The following DOK6 variants were observed in gnomAD, a reference collection of about 807,000 sequenced individuals.
DOK6 encodes docking protein 6.
In DOK6, 22 loss-of-function variants were observed where a neutral mutation model predicts 44.0. The observed-to-expected ratio is 0.50, with a 90% CI of 0.36 to 0.71. The LOEUF (loss-of-function observed/expected upper bound fraction) is 0.71. DOK6 is among the 30% of genes least tolerant of loss of function. The probability of loss-of-function intolerance (pLI) is 0.00; values close to 1 mark genes in which losing one functional copy is unlikely to be tolerated. For missense variants in DOK6, 340 were observed against 416.4 expected, an observed-to-expected ratio of 0.82 and a Z score of 1.60; for synonymous variants, 166 against 145.5, an observed-to-expected ratio of 1.14 and a Z score of -1.01.
chr18:69,522,119 C>A (rs947020915), intron 1 of DOK6, among the ~76,000 whole-genome samples: 1 of 151,810 alleles, frequency 6.6e-6, no homozygotes, highest in African/African-American at 2.4e-5. Flanking sequence ...TCAACTGAAT[C>A]CCTTCGAATG....
chr18:69,420,012 A>T (rs1192130325), intron 1 of DOK6, among the ~76,000 whole-genome samples: 1 of 152,150 alleles, frequency 6.6e-6, no homozygotes, highest in African/African-American at 2.4e-5. Flanking sequence ...CTTACCTAAG[A>T]AGTGTTATTC....
At chr18:69,415,446 A>G (rs1978326179) in intron 1 of DOK6, among the ~76,000 whole-genome samples, 1 of 152,110 alleles carries the variant, frequency 6.6e-6, no homozygotes, top group Non-Finnish European at 1.5e-5. Context: ...GAAAACAGAT[A>G]AAGGGGAAAG....
intron 3 of DOK6, among the ~76,000 whole-genome samples, chr18:69,672,444 C>T (rs1427186379): frequency 2.0e-5 from 3 of 152,200 alleles, no homozygotes; most frequent in Admixed American, 6.5e-5. Context: ...CCGCAAGCTC[C>T]GCCTCCTGTG....
intron 7 of DOK6, among the ~76,000 whole-genome samples, chr18:69,805,191 G>A (rs1406446501): frequency 6.6e-6 from 1 of 152,174 alleles, no homozygotes; most frequent in African/African-American, 2.4e-5. Context: ...TGCATTTATG[G>A]TTTATTCTGT....
At chr18:69,439,090 C>T (rs1345419736) in intron 1 of DOK6, among the ~76,000 whole-genome samples, 1 of 151,950 alleles carries the variant, frequency 6.6e-6, no homozygotes, top group African/African-American at 2.4e-5. Context: ...ACAACAATCA[C>T]CTCCTTGCAC....
intron 1 of DOK6, among the ~76,000 whole-genome samples, chr18:69,505,790 C>A (rs1981170060): frequency 6.6e-6 from 1 of 151,912 alleles, no homozygotes; most frequent in African/African-American, 2.4e-5. Context: ...AGCCACCATG[C>A]CGGGCCCACA....
intron 1 of DOK6, among the ~76,000 whole-genome samples, chr18:69,403,760 A>T (rs1386815225): frequency 6.6e-6 from 1 of 152,208 alleles, no homozygotes; most frequent in Admixed American, 6.5e-5. Context: ...TTACTAAGTT[A>T]AGTGAGTCCC....
At chr18:69,472,154 G>A (rs530673550) in intron 1 of DOK6, among the ~76,000 whole-genome samples, 16 of 152,170 alleles carry the variant, frequency 1.1e-4, no homozygotes, top group Non-Finnish European at 2.2e-4. Context: ...TAGTTCCTCC[G>A]ATTCTTATTT....
chr18:69,525,705 T>C (rs1173838616), intron 1 of DOK6, among the ~76,000 whole-genome samples: 2 of 152,066 alleles, frequency 1.3e-5, no homozygotes, highest in East Asian at 3.9e-4. Flanking sequence ...TCATAAAGTC[T>C]CTTTTACAGC....
At chr18:69,414,751 G>A (rs1568249878) in intron 1 of DOK6, among the ~76,000 whole-genome samples, 1 of 152,028 alleles carries the variant, frequency 6.6e-6, no homozygotes, top group South Asian at 2.1e-4. Flanking sequence ...AGAGCATGCA[G>A]GGTTGTTCTG....
intron 1 of DOK6, among the ~76,000 whole-genome samples, chr18:69,509,892 T>G (rs1009899913): frequency 7.9e-5 from 12 of 152,212 alleles, no homozygotes; most frequent in African/African-American, 2.9e-4. Flanking sequence ...CAAGAGCAAA[T>G]GGATGTGAAA....
rs115597640 is a variant in DOK6 at position 69,535,615 on chromosome 18, A to G, written c.67-28872A>G. On this transcript the variant is annotated intron_variant, in intron 1 of 7. Coordinates refer to ENST00000382713, the MANE Select transcript of DOK6 (RefSeq NM_152721.6). ...ATATATATGTGATTCATGTATATAT[A>G]TGATAATGGACATTATCATCATGTT... Among the ~76,000 whole-genome samples, 193 of 131,778 alleles carry G rather than the reference A, an allele frequency of 1.5e-3. 1 individual carries two copies. Among genetic ancestry groups the G allele is most frequent in the African/African-American group, 4.9e-3 (190 of 38,542 alleles). The allele number at this position is 131,778 out of a possible 152,430, so 86.5% of individuals were successfully genotyped here.
intron 1 of DOK6, among the ~76,000 whole-genome samples, chr18:69,437,399 T>G (rs1008488668): frequency 6.6e-6 from 1 of 152,230 alleles, no homozygotes; most frequent in Admixed American, 6.5e-5. Flanking sequence ...CCCAAGACCA[T>G]TTATTAAATA....
At chr18:69,552,085 A>C (rs1208953174) in intron 1 of DOK6, among the ~76,000 whole-genome samples, 1 of 152,218 alleles carries the variant, frequency 6.6e-6, no homozygotes, top group Non-Finnish European at 1.5e-5. Flanking sequence ...GATTTTAAAA[A>C]ATCACTTTCC....
chr18:69,602,325 A>G (rs1983892004), intron 3 of DOK6, among the ~76,000 whole-genome samples: 1 of 152,224 alleles, frequency 6.6e-6, no homozygotes, highest in Admixed American at 6.5e-5. Flanking sequence ...TCTTCATCCT[A>G]ACAACCTATA....
intron 7 of DOK6, among the ~76,000 whole-genome samples, chr18:69,779,828 C>T (rs1387029117): frequency 6.6e-6 from 1 of 151,776 alleles, no homozygotes; most frequent in Non-Finnish European, 1.5e-5. Flanking sequence ...TACTATTGAT[C>T]ATGCAACACC....
chr18:69,474,531 T>G (rs1980208479), intron 1 of DOK6, among the ~76,000 whole-genome samples: 1 of 152,206 alleles, frequency 6.6e-6, no homozygotes, highest in South Asian at 2.1e-4. Flanking sequence ...TATAAGCAAT[T>G]TGCATTTGAC....
chr18:69,732,362 A>G (rs752989910), intron 5 of DOK6, among the ~76,000 whole-genome samples: 8 of 152,166 alleles, frequency 5.3e-5, no homozygotes, highest in Admixed American at 1.3e-4. Flanking sequence ...TTAACATGTA[A>G]CCATATAATA....
At position 69,764,179 on chromosome 18, in the gene DOK6, G is replaced by A. The variant is rs187097548; in HGVS notation, c.856+6306G>A. On this transcript the variant is annotated intron_variant, in intron 7 of 7. Coordinates refer to ENST00000382713, the MANE Select transcript of DOK6 (RefSeq NM_152721.6). ...CCTTTAACATGATGGCTCAAAATCC[G>A]TCTCTCTACACCTGCTGCCTTCTCT... Among the ~76,000 whole-genome samples, 230 of 152,060 alleles carry A rather than the reference G, an allele frequency of 1.5e-3. 1 individual carries two copies. The highest frequency in any genetic ancestry group is 6.8e-3 in the Middle Eastern group (2 of 294).
Sources: gnomAD v4.1 joint callset for allele counts (sites outside exome capture counted in the v4.1 genomes callset) on GRCh38, gnomAD v4.1.1 for gene constraint, MANE v1.5 for transcripts, NCBI Gene and HGNC (gene_info 2026-07-23, HGNC 2026-07-21) for gene names.